PPFIBP2: variants seen among roughly 807,000 people sequenced by gnomAD.
PPFIBP2 encodes the protein PPFIB scaffold protein 2.
Under a neutral mutation model 118.3 loss-of-function variants are expected in PPFIBP2, and 118 were observed. The ratio of observed to expected loss-of-function variants is 1.00; its 90% confidence interval spans 0.86 to 1.16. The LOEUF is 1.16. Among genes scored for constraint, PPFIBP2 ranks in the 50% most tolerant of loss-of-function variants. The pLI, the probability that PPFIBP2 is intolerant of heterozygous loss-of-function variation, is 0.00. For synonymous variants in PPFIBP2, 414 were observed against 397.4 expected (o/e 1.04, Z -0.50); for missense variants, 1,195 against 1,073.1 (o/e 1.11, Z -1.59).
At chr11:7,516,067 T>G (rs1443232767) in intron 1 of PPFIBP2, among the ~76,000 whole-genome samples, 1 of 152,250 alleles carries the variant, frequency 6.6e-6, no homozygotes, top group East Asian at 1.9e-4. Flanking sequence ...CTATGCCTCA[T>G]AATCGCCTGG....
intron 4 of PPFIBP2, chr11:7,597,240 T>G: frequency 6.5e-7 from 1 of 1,530,092 alleles, no homozygotes; most frequent in Non-Finnish European, 8.7e-7. Flanking sequence ...GGGGCTGTTC[T>G]GGAAGAGGAA....
chr11:7,635,408 T>G, intron 13 of PPFIBP2, 144 bp from the exon 14 acceptor site: 1 of 762,592 alleles, frequency 1.3e-6, no homozygotes, highest in Non-Finnish European at 2.2e-6. Context: ...CTGCCCTGGA[T>G]GGTGATTACT....
intron 2 of PPFIBP2, among the ~76,000 whole-genome samples, chr11:7,556,492 C>T (rs943744019): frequency 1.3e-5 from 2 of 152,192 alleles, no homozygotes; most frequent in Admixed American, 6.5e-5. Context: ...TGCTTTAATT[C>T]TCATCACTGC....
intron 14 of PPFIBP2, among the ~76,000 whole-genome samples, chr11:7,637,986 C>T (rs558348412): frequency 1.1e-3 from 164 of 152,248 alleles, no homozygotes; most frequent in Non-Finnish European, 1.8e-3. Context: ...ACCAGAAACA[C>T]GTTTTTGAGA....
At chr11:7,594,609 C>G (rs961022756) in intron 4 of PPFIBP2, among the ~76,000 whole-genome samples, 11 of 150,708 alleles carry the variant, frequency 7.3e-5, no homozygotes, top group African/African-American at 2.7e-4. Flanking sequence ...TGGTGAAACC[C>G]TGTCTCTACT....
chr11:7,568,343 C>T (rs918149072), intron 3 of PPFIBP2, among the ~76,000 whole-genome samples: 1 of 152,150 alleles, frequency 6.6e-6, no homozygotes, highest in African/African-American at 2.4e-5. Flanking sequence ...GTGGTTTTTG[C>T]TCAGGCACAT....
chr11:7,637,629 C>T (rs1174636423), intron 14 of PPFIBP2, among the ~76,000 whole-genome samples: 1 of 152,216 alleles, frequency 6.6e-6, no homozygotes, highest in East Asian at 1.9e-4. Context: ...CTTCTGTTCC[C>T]CTACAGCCAG....
chr11:7,598,280 A>G, intron 5 of PPFIBP2: 1 of 322,382 alleles, frequency 3.1e-6, no homozygotes, highest in Non-Finnish European at 6.1e-6. Context: ...TTGTATGCTT[A>G]ATATTATATT....
chr11:7,531,727 A>G (rs1215741640), intron 1 of PPFIBP2, among the ~76,000 whole-genome samples: 2 of 152,170 alleles, frequency 1.3e-5, no homozygotes, highest in Non-Finnish European at 2.9e-5. Flanking sequence ...GGCTTACACA[A>G]CAGAAATTTA....
intron 1 of PPFIBP2, among the ~76,000 whole-genome samples, chr11:7,541,821 C>T (rs780335276): frequency 1.4e-4 from 21 of 152,150 alleles, no homozygotes; most frequent in Non-Finnish European, 2.6e-4. Flanking sequence ...CCAGACACCC[C>T]ACATTGTTGC....
chr11:7,664,656 C>T, the PPFIBP2 span, among the ~76,000 whole-genome samples: 12 of 151,998 alleles, frequency 7.9e-5, no homozygotes, highest in African/African-American at 1.2e-4. Context: ...CTGATAAAGT[C>T]GGCAGGAGCA....
At chr11:7,609,028 C>G (rs927159270) in intron 5 of PPFIBP2, among the ~76,000 whole-genome samples, 3 of 152,192 alleles carry the variant, frequency 2.0e-5, no homozygotes, top group Admixed American at 2.0e-4. Context: ...AGTTGCTGGG[C>G]TTCAAGAGAG....
At chr11:7,550,568 C>T (rs1477128481) in intron 2 of PPFIBP2, among the ~76,000 whole-genome samples, 1 of 152,188 alleles carries the variant, frequency 6.6e-6, no homozygotes, top group Non-Finnish European at 1.5e-5. Flanking sequence ...CTCAATTTCT[C>T]AGTTGATAGA....
intron 5 of PPFIBP2, among the ~76,000 whole-genome samples, chr11:7,609,975 C>A (rs143334454): frequency 6.6e-6 from 1 of 152,284 alleles, no homozygotes; most frequent in South Asian, 2.1e-4. Context: ...TGAGAAATTT[C>A]GTTCTTTGAA....
intron 3 of PPFIBP2, among the ~76,000 whole-genome samples, chr11:7,591,012 A>G (rs956512611): frequency 6.6e-6 from 1 of 152,210 alleles, no homozygotes; most frequent in African/African-American, 2.4e-5. Context: ...ACTGGCTGCT[A>G]GCGTGGATCT....
intron 5 of PPFIBP2, among the ~76,000 whole-genome samples, chr11:7,599,685 C>T (rs960887106): frequency 3.4e-5 from 5 of 146,010 alleles, no homozygotes; most frequent in Non-Finnish European, 5.9e-5. Context: ...GGCTGGAGTG[C>T]GGTGGCGCGA....
At chr11:7,625,927 G>C in intron 8 of PPFIBP2, 36 bp downstream of exon 8, 3 of 1,531,796 alleles carry the variant, frequency 2.0e-6, no homozygotes, top group Non-Finnish European at 2.7e-6. Flanking sequence ...GCAGTTGTCT[G>C]GGTCCCTGGG....
At chr11:7,655,260 G>A (rs1445743646), downstream of PPFIBP2, among the ~76,000 whole-genome samples, 2 of 152,188 alleles carry the variant, frequency 1.3e-5, no homozygotes, top group African/African-American at 4.8e-5. Flanking sequence ...AACAGGAGCA[G>A]CATGTGCTCC....
rs529585905 is a variant in PPFIBP2 at position 7,606,886 on chromosome 11, A to ATTTTTTTTT, written c.487-3371_487-3363dup. 2.3e-3 allele frequency among the ~76,000 whole-genome samples: 118 copies of ATTTTTTTTT among 51,448 alleles called. 33 individuals carry two copies. The highest frequency in any genetic ancestry group is 2.9e-3 in the Non-Finnish European group (78 of 26,924). 33.8% of individuals were successfully genotyped at this position (51,448 alleles called of 152,430 possible). On this transcript the variant is annotated intron_variant, in intron 5 of 23. Coordinates refer to ENST00000299492, the MANE Select transcript of PPFIBP2 (RefSeq NM_003621.5). ...CTGATCAGAAGACAAAACTGCATGA[A>ATTTTTTTTT]TTTTTTTTTTTTTTTTTTTTTTTTT...
Sources: allele counts gnomAD v4.1 joint callset (sites outside exome capture counted in the v4.1 genomes callset), GRCh38; gene constraint gnomAD v4.1.1; transcripts MANE v1.5; gene names NCBI Gene and HGNC (gene_info 2026-07-23, HGNC 2026-07-21).